Variants in CD163L1 observed in about 807,000 individuals in gnomAD.
CD163L1 encodes CD163 molecule like 1.
A neutral mutation model predicts 165.4 loss-of-function variants in CD163L1; 124 were observed. The ratio of observed to expected loss-of-function variants is 0.75; its 90% CI spans 0.65 to 0.87. The LOEUF (loss-of-function observed/expected upper bound fraction) is 0.87. CD163L1 is among the 40% of genes least tolerant of loss of function. The pLI, the probability that CD163L1 is intolerant of heterozygous loss-of-function variation, is 0.00. For synonymous variants in CD163L1, 585 were observed against 662.2 expected (o/e 0.88, Z 1.79); for missense variants, 1,525 against 1,799.9 (o/e 0.85, Z 2.76).
intron 8 of CD163L1, among the ~76,000 whole-genome samples, chr12:7,391,237 G>T (rs1947647635): frequency 6.6e-6 from 1 of 152,114 alleles, no homozygotes; most frequent in Non-Finnish European, 1.5e-5. Flanking sequence ...AAGACCAAAG[G>T]TAGATAAAAC....
intron 4 of CD163L1, among the ~76,000 whole-genome samples, chr12:7,410,921 C>T (rs1473579699): frequency 6.7e-6 from 1 of 149,610 alleles, no homozygotes; most frequent in Admixed American, 6.7e-5. Context: ...TCAAATATAG[C>T]CAAAATTCAA....
chr12:7,359,968 G>C (rs1345965939), intron 18 of CD163L1, among the ~76,000 whole-genome samples: 2 of 151,952 alleles, frequency 1.3e-5, no homozygotes, highest in Admixed American at 6.6e-5. Context: ...TCAGTAATTT[G>C]AGCATGATGT....
At position 7,433,774 on chromosome 12, in the gene CD163L1, T is replaced by C. The variant is rs1476539606; in HGVS notation, c.125-80A>G. ...TAATATAAGTAGGTGAGATGGATGA[T>C]GATCATTTAGTTTAAATGTTGTTAT... On this transcript the variant is annotated intron_variant, in intron 2 of 19. Transcript: ENST00000313599. 5.8e-6 allele frequency: 6 copies of C among 1,037,072 alleles called. No homozygotes were observed. In the South Asian group the frequency reaches 8.6e-5, roughly 15 times the overall value. 64.2% of individuals were successfully genotyped at this position (1,037,072 alleles called of 1,614,324 possible).
the CD163L1 span, among the ~76,000 whole-genome samples, chr12:7,337,388 C>T: frequency 2.0e-5 from 3 of 152,126 alleles, no homozygotes; most frequent in Admixed American, 6.6e-5. Flanking sequence ...AGGCAACCTA[C>T]AGAATGGGAG....
intron 2 of CD163L1, among the ~76,000 whole-genome samples, chr12:7,435,177 G>T (rs1313784669): frequency 6.6e-6 from 1 of 151,430 alleles, no homozygotes; most frequent in South Asian, 2.1e-4. Flanking sequence ...TTTTTTCAAC[G>T]TGTACATTAG....
chr12:7,322,457 G>A, the CD163L1 span: 1 of 1,613,858 alleles, frequency 6.2e-7, no homozygotes, highest in South Asian at 1.1e-5. Flanking sequence ...TGACCGGAGG[G>A]GAGCCACTCA....
At chr12:7,375,232 A>G in intron 11 of CD163L1, 49 bp downstream of exon 11, 1 of 1,573,404 alleles carries the variant, frequency 6.4e-7, no homozygotes, top group Non-Finnish European at 8.7e-7. Context: ...TCCCTCTACC[A>G]TGTCTGGGCT....
chr12:7,350,349 G>T (rs1946698836), downstream of CD163L1, among the ~76,000 whole-genome samples: 1 of 152,150 alleles, frequency 6.6e-6, no homozygotes. Flanking sequence ...AGGAAACAAT[G>T]TAACTTTAGA....
chr12:7,438,866 T>C lies in CD163L1; in HGVS notation c.124+2288A>G, dbSNP rs745324853. ...CGTTTGGACAGATATAGGCATAAGC[T>C]TCTCTAACTCTGCAGCACTTTTGCC... On this transcript the variant is annotated intron_variant, in intron 2 of 19. Transcript: ENST00000313599. 1.9e-6 allele frequency: 3 copies of C among 1,577,834 alleles called. No individual in the cohort carries two copies. In the South Asian group the frequency reaches 3.3e-5, roughly 18 times the overall value.
In CD163L1 at chr12:7,357,541, G is replaced by A. The variant is rs147716028; in HGVS notation, c.4280-55C>T. ...AATAGTAGAAAACCTCTCTGCAGAGGGAAGAGCTGTTAAGTGCAGTGTTTG... is the reference window on the plus strand; with the variant it reads ...AATAGTAGAAAACCTCTCTGCAGAGAGAAGAGCTGTTAAGTGCAGTGTTTG... On this transcript the variant is annotated intron_variant, in intron 18 of 19. Transcript: ENST00000313599. 668 of 1,472,410 alleles carry A rather than the reference G, an allele frequency of 4.5e-4. 3 individuals carry two copies. The African/African-American group carries it at 8.0e-3, about 18-fold the overall frequency. 91.2% of individuals were successfully genotyped at this position (1,472,410 alleles called of 1,614,324 possible). A position where few individuals can be genotyped will look rare whatever the true frequency, so the allele number is the denominator to read the frequency against.
chr12:7,322,534 C>T, the CD163L1 span: 174 of 1,613,256 alleles, frequency 1.1e-4, 1 homozygote, highest in East Asian at 1.6e-3. Flanking sequence ...TATGGACAGA[C>T]GGAAGTGGTA....
chr12:7,368,959 G>A lies in CD163L1; in HGVS notation c.4046C>T (p.Ser1349Leu), dbSNP rs771878446. The change falls in exon 16 of 20, where the codon TCG becomes TTG. Residue 1349 changes from serine to leucine, a missense_variant. Coordinates refer to ENST00000313599, the MANE Select transcript of CD163L1 (RefSeq NM_174941.6). This position sits in a 1 kb window ranked among gnomAD's most constrained non-coding sequence, Gnocchi z 4.3. ...EDAGVRCSGQ[S>L]LKSLNASSGH... is the part of the protein sequence containing the mutation. Reference sequence around the variant, plus strand: ...TGAGGAGGCATTCAGTGATTTCAGCGACTGTCCTGAGAGAGAGAGAGAGAG... The same window carrying A: ...TGAGGAGGCATTCAGTGATTTCAGCAACTGTCCTGAGAGAGAGAGAGAGAG... The A allele has an allele frequency of 1.1e-5, 18 of 1,613,026 alleles. No homozygotes were observed. In the East Asian group the frequency reaches 1.6e-4, roughly 14 times the overall value.
intron 4 of CD163L1, among the ~76,000 whole-genome samples, chr12:7,424,790 A>G (rs1948511291): frequency 6.6e-6 from 1 of 152,156 alleles, no homozygotes; most frequent in Non-Finnish European, 1.5e-5. Flanking sequence ...GACATGAAGG[A>G]CCTCTTCAAG....
the CD163L1 span, among the ~76,000 whole-genome samples, chr12:7,335,296 A>G: frequency 6.6e-6 from 1 of 152,226 alleles, no homozygotes; most frequent in Admixed American, 6.5e-5. Flanking sequence ...AAACAGATAT[A>G]TAGACCAATG....
chr12:7,336,651 A>T, the CD163L1 span, among the ~76,000 whole-genome samples: 1 of 152,152 alleles, frequency 6.6e-6, no homozygotes, highest in Non-Finnish European at 1.5e-5. Context: ...TAAAACTTAA[A>T]GTATAATAAT....
intron 8 of CD163L1, among the ~76,000 whole-genome samples, chr12:7,382,301 AGCT>A (rs765254227): frequency 1.8e-4 from 28 of 152,192 alleles, no homozygotes; most frequent in East Asian, 1.2e-3. Flanking sequence ...AAAAGAGAAT[AGCT>A]CAAGGGGGAG....
chr12:7,322,588 GC>G, the CD163L1 span: 1 of 1,554,518 alleles, frequency 6.4e-7, no homozygotes, highest in Non-Finnish European at 8.7e-7. Flanking sequence ...GGGCCTTTCT[GC>G]CCCAGGTTTT....
chr12:7,351,396 G>C (rs1237827752), downstream of CD163L1, among the ~76,000 whole-genome samples: 1 of 152,064 alleles, frequency 6.6e-6, no homozygotes, highest in Non-Finnish European at 1.5e-5. Flanking sequence ...CAGCTGATTT[G>C]GTTTCTGGTA....
At chr12:7,378,654 T>A (rs1947320795) in intron 9 of CD163L1, among the ~76,000 whole-genome samples, 1 of 152,210 alleles carries the variant, frequency 6.6e-6, no homozygotes, top group South Asian at 2.1e-4. Context: ...CACTTCTTCA[T>A]ATGATTAAAT....
Sources: allele counts gnomAD v4.1 joint callset (sites outside exome capture counted in the v4.1 genomes callset), GRCh38; gene constraint gnomAD v4.1.1; non-coding constraint Gnocchi (gnomAD v3.1); transcripts MANE v1.5; gene names NCBI Gene and HGNC (gene_info 2026-07-23, HGNC 2026-07-21).